The following COPG2 variants were observed in gnomAD, a reference collection of about 807,000 sequenced individuals.
The protein encoded by COPG2 is coatomer subunit gamma-2.
A neutral mutation model predicts 46.3 loss-of-function variants in COPG2; 37 were observed. That is an observed-to-expected ratio of 0.80 (90% CI 0.61 to 1.05). The LOEUF is 1.05. Ranked by LOEUF, COPG2 falls within the 50% of genes least tolerant of loss-of-function variation. The pLI is 0.00. For missense variants in COPG2, 427 were observed against 387.8 expected (o/e 1.10, Z -0.85); for synonymous variants, 159 against 129.7 (o/e 1.23, Z -1.53).
chr7:130,601,330 T>C (rs1236781166), intron 9 of COPG2, among the ~76,000 whole-genome samples: 1 of 152,212 alleles, frequency 6.6e-6, no homozygotes, highest in Non-Finnish European at 1.5e-5. Context: ...CCCAAAGGAT[T>C]ATAAATCATT....
chr7:130,603,532 G>C (rs1052959344), intron 9 of COPG2, among the ~76,000 whole-genome samples: 1 of 151,612 alleles, frequency 6.6e-6, no homozygotes, highest in Non-Finnish European at 1.5e-5. Context: ...CCAGCCTGGC[G>C]AACATGGTCA....
chr7:130,666,242 T>C (rs1796077238), intron 3 of COPG2, among the ~76,000 whole-genome samples: 1 of 152,190 alleles, frequency 6.6e-6, no homozygotes, highest in Admixed American at 6.5e-5. Flanking sequence ...CTTTAAAACA[T>C]CATTACACAC....
chr7:130,571,920 G>A (rs1793911490), intron 9 of COPG2, among the ~76,000 whole-genome samples: 1 of 151,976 alleles, frequency 6.6e-6, no homozygotes, highest in Non-Finnish European at 1.5e-5. Context: ...CCATTAAAAG[G>A]AATGAAATAA....
At chr7:130,543,511 T>A (rs929503244) in intron 20 of COPG2, among the ~76,000 whole-genome samples, 33 of 152,326 alleles carry the variant, frequency 2.2e-4, no homozygotes, top group Admixed American at 3.9e-4. Flanking sequence ...AAGCGGAGTC[T>A]GAAGGATGAG....
chr7:130,584,979 A>G (rs1335883415), intron 9 of COPG2, among the ~76,000 whole-genome samples: 1 of 152,042 alleles, frequency 6.6e-6, no homozygotes, highest in Non-Finnish European at 1.5e-5. Context: ...TCTAAAATTC[A>G]TATGGAACCA....
chr7:130,591,294 G>A (rs1174155605), intron 9 of COPG2, among the ~76,000 whole-genome samples: 3 of 111,506 alleles, frequency 2.7e-5, no homozygotes, highest in Non-Finnish European at 5.7e-5. Context: ...CGCCCGGCCA[G>A]CCGCCCCGTC....
intron 9 of COPG2, among the ~76,000 whole-genome samples, chr7:130,585,838 G>A (rs1171098245): frequency 6.6e-6 from 1 of 152,080 alleles, no homozygotes; most frequent in Non-Finnish European, 1.5e-5. Context: ...CATGGATGCG[G>A]TGAACAGGGA....
chr7:130,573,619 T>C (rs139758911), intron 9 of COPG2, among the ~76,000 whole-genome samples: 41 of 152,148 alleles, frequency 2.7e-4, no homozygotes, highest in African/African-American at 9.6e-4. Flanking sequence ...TAAAAATCCA[T>C]TGACAAAAAT....
intron 5 of COPG2, among the ~76,000 whole-genome samples, chr7:130,641,557 A>G (rs1417339032): frequency 6.6e-6 from 1 of 152,208 alleles, no homozygotes; most frequent in East Asian, 1.9e-4. Context: ...TAAAACTGGG[A>G]AAGAGGTCAG....
chr7:130,667,953 G>C (rs1312837579), intron 1 of COPG2, among the ~76,000 whole-genome samples: 22 of 152,218 alleles, frequency 1.4e-4, no homozygotes, highest in Non-Finnish European at 2.9e-5. Flanking sequence ...AAAGGTGCAA[G>C]AGGCCATGGA....
chr7:130,614,547 C>T (rs1225374009), intron 6 of COPG2, among the ~76,000 whole-genome samples: 1 of 152,126 alleles, frequency 6.6e-6, no homozygotes, highest in Non-Finnish European at 1.5e-5. Context: ...AAAGAGACAG[C>T]CTAACATACT....
At chr7:130,506,886 C>T (rs1799502896) in intron 23 of COPG2, 80 bp from the exon 24 acceptor site, 1 of 668,342 alleles carries the variant, frequency 1.5e-6, no homozygotes, top group South Asian at 1.8e-5. Flanking sequence ...GCTATCCCTG[C>T]ATCTCCTTTC....
Position 130,552,404 on chromosome 7 carries a change from C to T in COPG2, c.1495G>A (p.Gly499Arg), listed in dbSNP as rs1793546388. ...GGGAGAAGACTCTCATTCTGAGCCC[C>T]AAATTTAGCCAAAGCACTCACAGCA... The part of the protein sequence containing the change: ...AAAVSALAKF[G>R]AQNESLLPSI... The change falls in exon 15 of 24, where the codon GGG becomes AGG. Residue 499 changes from glycine to arginine, a missense_variant. By Grantham distance (125) the Gly-to-Arg change is moderately radical. Coordinates refer to ENST00000425248, the MANE Select transcript of COPG2 (RefSeq NM_012133.6). 4 of 398,000 alleles carry T rather than the reference C, an allele frequency of 1.0e-5. No homozygotes were observed. The highest frequency in any genetic ancestry group is 1.8e-5 in the Non-Finnish European group (4 of 225,892). The allele number at this position is 398,000 out of a possible 1,614,324, so 24.7% of individuals were successfully genotyped here.
At chr7:130,620,373 T>C (rs1795018044) in intron 5 of COPG2, among the ~76,000 whole-genome samples, 1 of 152,104 alleles carries the variant, frequency 6.6e-6, no homozygotes, top group African/African-American at 2.4e-5. Flanking sequence ...GACTACCCCA[T>C]AACCACTTGA....
At chr7:130,584,676 G>C (rs541253651) in intron 9 of COPG2, among the ~76,000 whole-genome samples, 204 of 152,072 alleles carry the variant, frequency 1.3e-3, no homozygotes, top group African/African-American at 4.5e-3. Flanking sequence ...CAACTAAGCG[G>C]AGAATCAAAT....
intron 9 of COPG2, among the ~76,000 whole-genome samples, chr7:130,596,495 A>C (rs979565756): frequency 6.6e-6 from 1 of 152,130 alleles, no homozygotes; most frequent in African/African-American, 2.4e-5. Context: ...GCTGCTTTCA[A>C]ACTAGGTCCA....
chr7:130,623,566 T>G (rs782710245), intron 5 of COPG2, among the ~76,000 whole-genome samples: 2 of 152,228 alleles, frequency 1.3e-5, no homozygotes, highest in Non-Finnish European at 2.9e-5. Flanking sequence ...TTACATTATA[T>G]TTTCCACGTG....
At chr7:130,516,804 T>C (rs1405589471) in intron 20 of COPG2, among the ~76,000 whole-genome samples, 2 of 151,730 alleles carry the variant, frequency 1.3e-5, no homozygotes, top group African/African-American at 4.8e-5. Context: ...GTTGGAAAAA[T>C]GTTAGAAGTA....
At chr7:130,651,492 GTATTTTTTTTTT>G (rs1404122598) in intron 5 of COPG2, among the ~76,000 whole-genome samples, 188 of 30,790 alleles carry the variant, frequency 6.1e-3, no homozygotes, top group Non-Finnish European at 0.01. Context: ...TAATTTTTTT[GTATTTTTTTTTT>G]TTTTTTTTTT....
Sources: gnomAD v4.1 joint callset for allele counts (sites outside exome capture counted in the v4.1 genomes callset) on GRCh38, gnomAD v4.1.1 for gene constraint, MANE v1.5 for transcripts, NCBI Gene and HGNC (gene_info 2026-07-23, HGNC 2026-07-21) for gene names.